Variants in PAFAH1B2 observed in about 807,000 individuals in gnomAD.
PAFAH1B2 encodes platelet activating factor acetylhydrolase 1b catalytic subunit 2.
A neutral mutation model predicts 28.0 loss-of-function variants in PAFAH1B2; 8 were observed. That is an observed-to-expected ratio of 0.29 (90% CI 0.17 to 0.52). The LOEUF is 0.52. PAFAH1B2 is among the 20% of genes least tolerant of loss of function. The pLI is 0.97. For synonymous variants in PAFAH1B2, 104 were observed against 103.2 expected (o/e 1.01, Z -0.05); for missense variants, 190 against 282.6 (o/e 0.67, Z 2.35).
At chr11:117,156,516 A>G (rs1176440579) in intron 2 of PAFAH1B2, among the ~76,000 whole-genome samples, 1 of 152,228 alleles carries the variant, frequency 6.6e-6, no homozygotes, top group African/African-American at 2.4e-5. Context: ...AAGGGGTAAC[A>G]GAGGACATGA....
chr11:117,155,425 A>G (rs965484067), intron 2 of PAFAH1B2, among the ~76,000 whole-genome samples: 1 of 152,204 alleles, frequency 6.6e-6, no homozygotes, highest in African/African-American at 2.4e-5. Context: ...AAAATATCCT[A>G]AAGGAACTAA....
At position 117,144,350 on chromosome 11, in the gene PAFAH1B2, G is replaced by A. The variant is rs1244034389; in HGVS notation, c.-76G>A. 3 of 422,442 alleles carry A rather than the reference G, an allele frequency of 7.1e-6. No homozygotes were observed. Among genetic ancestry groups the A allele is most frequent in the Non-Finnish European group, 1.4e-5 (3 of 208,078 alleles). The allele number at this position is 422,442 out of a possible 1,614,324, so 26.2% of individuals were successfully genotyped here. ...GCGCCGGAGCGGGACCGACGGGACCGAGCGAGCGACCGACGCGCCACCCGC... is the reference window on the plus strand; with the variant it reads ...GCGCCGGAGCGGGACCGACGGGACCAAGCGAGCGACCGACGCGCCACCCGC... On this transcript the variant is annotated 5_prime_UTR_variant, in exon 1 of 6. Transcript: ENST00000527958.
At position 117,169,352 on chromosome 11, in the gene PAFAH1B2, A is replaced by G. The variant is rs2134222419; in HGVS notation, c.*1653A>G. On this transcript the variant is annotated 3_prime_UTR_variant, in exon 6 of 6. Transcript: ENST00000527958. ...TCAGTATACCTGTGGAATATGTACA[A>G]ACTGGATCTATAGATATTTTGAACT... 2 of 1,050,528 alleles carry G rather than the reference A, an allele frequency of 1.9e-6. No homozygotes were observed. Among genetic ancestry groups the G allele is most frequent in the Middle Eastern group, 4.3e-4 (1 of 2,316 alleles). The allele number at this position is 1,050,528 out of a possible 1,614,324, so 65.1% of individuals were successfully genotyped here.
chr11:117,171,260 A>C (rs1956643619), downstream of PAFAH1B2, among the ~76,000 whole-genome samples: 1 of 152,192 alleles, frequency 6.6e-6, no homozygotes. Context: ...CTCAGAAAGC[A>C]CAACTGCCAT....
chr11:117,177,784 T>G (rs2030066548), downstream of PAFAH1B2, among the ~76,000 whole-genome samples: 1 of 152,218 alleles, frequency 6.6e-6, no homozygotes, highest in South Asian at 2.1e-4. Context: ...GATCTACCTG[T>G]CTTGGCCTCC....
intron 5 of PAFAH1B2, among the ~76,000 whole-genome samples, chr11:117,165,619 T>TA (rs1956489467): frequency 6.6e-6 from 1 of 152,036 alleles, no homozygotes; most frequent in Non-Finnish European, 1.5e-5. Context: ...CTGTTTAGAG[T>TA]AAGGTGAAAA....
In PAFAH1B2 at chr11:117,167,951, G is replaced by T. The variant is rs1445881302; in HGVS notation, c.*252G>T. The T allele has an allele frequency of 8.9e-6, 10 of 1,125,916 alleles. No homozygotes were observed. In the Admixed American group the frequency reaches 4.9e-4, roughly 55 times the overall value. The allele number at this position is 1,125,916 out of a possible 1,614,324, so 69.7% of individuals were successfully genotyped here. ...GAAACCAGAAGGGGACTTTTTAGTT[G>T]TATGTGTAACACATTCATTGAATTA... On this transcript the variant is annotated 3_prime_UTR_variant, in exon 6 of 6. Coordinates refer to ENST00000527958, the MANE Select transcript of PAFAH1B2 (RefSeq NM_002572.4).
chr11:117,159,936 C>T lies in PAFAH1B2; in HGVS notation c.84C>T (p.His28=). Residue 28 remains histidine (H), a splice_region_variant and synonymous_variant, in exon 3 of 6, where the codon CAC becomes CAT. Coordinates refer to ENST00000527958, the MANE Select transcript of PAFAH1B2 (RefSeq NM_002572.4). ...TTTTTTTTTCTTCTTCAAACCAGCACAACAGATTTGTTTTGGACTGTAAAG... is the reference window on the plus strand; with the variant it reads ...TTTTTTTTTCTTCTTCAAACCAGCATAACAGATTTGTTTTGGACTGTAAAG... ...IQGDDRWMSQ[H]NRFVLDCKDK... is the part of the protein sequence containing the mutation. The T allele has an allele frequency of 6.2e-7, 1 of 1,611,626 alleles. No individual in the cohort carries two copies. Among genetic ancestry groups the T allele is most frequent in the East Asian group, 2.2e-5 (1 of 44,868 alleles).
At chr11:117,149,432 T>TC (rs1956093967) in intron 1 of PAFAH1B2, among the ~76,000 whole-genome samples, 1 of 108,634 alleles carries the variant, frequency 9.2e-6, no homozygotes, top group Non-Finnish European at 2.0e-5. Context: ...TTCTAATCGT[T>TC]TTTTTTTTTT....
rs1240497432 is a variant in PAFAH1B2, at chr11:117,170,417, T to G, written c.*2718T>G. ...GTGGTCATATGTTGAATGTGGCAGCTTGAAGATGTACTGCCACGGGTGATC... is the reference window on the plus strand; with the variant it reads ...GTGGTCATATGTTGAATGTGGCAGCGTGAAGATGTACTGCCACGGGTGATC... On this transcript the variant is annotated 3_prime_UTR_variant, in exon 6 of 6. Transcript: ENST00000527958. The G allele has an allele frequency of 9.4e-7, 1 of 1,059,760 alleles. No homozygotes were observed. The highest frequency in any genetic ancestry group is 1.7e-5 in the African/African-American group (1 of 60,240). The allele number at this position is 1,059,760 out of a possible 1,614,324, so 65.6% of individuals were successfully genotyped here.
chr11:117,170,584 T>A lies in PAFAH1B2; in HGVS notation c.*2885T>A. 1 of 1,040,950 alleles carries A rather than the reference T, an allele frequency of 9.6e-7. No individual in the cohort carries two copies. Among genetic ancestry groups the A allele is most frequent in the Non-Finnish European group, 1.2e-6 (1 of 868,810 alleles). 64.5% of individuals were successfully genotyped at this position (1,040,950 alleles called of 1,614,324 possible). Reference sequence around the variant, plus strand: ...AGAAACCTTAACCCAACAAAACAAATCTTGAGTAGCTCATGCCCGGCTCTT... The same window carrying A: ...AGAAACCTTAACCCAACAAAACAAAACTTGAGTAGCTCATGCCCGGCTCTT... On this transcript the variant is annotated 3_prime_UTR_variant, in exon 6 of 6. Coordinates refer to ENST00000527958, the MANE Select transcript of PAFAH1B2 (RefSeq NM_002572.4).
At position 117,169,653 on chromosome 11, in the gene PAFAH1B2, A is replaced by T. The variant is rs189920008; in HGVS notation, c.*1954A>T. 320 of 1,053,668 alleles carry T rather than the reference A, an allele frequency of 3.0e-4. No homozygotes were observed. Among genetic ancestry groups the T allele is most frequent in the Admixed American group, 3.8e-4 (7 of 18,436 alleles). The allele number at this position is 1,053,668 out of a possible 1,614,324, so 65.3% of individuals were successfully genotyped here. On this transcript the variant is annotated 3_prime_UTR_variant, in exon 6 of 6. Coordinates refer to ENST00000527958, the MANE Select transcript of PAFAH1B2 (RefSeq NM_002572.4). Reference sequence around the variant, plus strand: ...TATCATGTCTTCATTAACAACAGAAAATCCACATGGTGTTTACTAAACTTG... The same window carrying T: ...TATCATGTCTTCATTAACAACAGAATATCCACATGGTGTTTACTAAACTTG...
chr11:117,167,809 G>A lies in PAFAH1B2; in HGVS notation c.*110G>A. On this transcript the variant is annotated 3_prime_UTR_variant, in exon 6 of 6. Coordinates refer to ENST00000527958, the MANE Select transcript of PAFAH1B2 (RefSeq NM_002572.4). ...GCACTTTGCATTGTAGAATGTTCCT[G>A]GATGTTCATATCTAGTGTTTGAAGG... 1 of 1,311,986 alleles carries A rather than the reference G, an allele frequency of 7.6e-7. No homozygotes were observed. The allele number at this position is 1,311,986 out of a possible 1,614,324, so 81.3% of individuals were successfully genotyped here.
At chr11:117,149,541 C>G (rs1956099478) in intron 1 of PAFAH1B2, among the ~76,000 whole-genome samples, 1 of 149,978 alleles carries the variant, frequency 6.7e-6, no homozygotes, top group Admixed American at 6.7e-5. Flanking sequence ...ATTCTCCTGC[C>G]TCAGCCTCCC....
intron 1 of PAFAH1B2, among the ~76,000 whole-genome samples, chr11:117,148,432 A>C (rs138498340): frequency 1.8e-4 from 27 of 152,272 alleles, no homozygotes; most frequent in African/African-American, 6.3e-4. Context: ...TCTGGTTTCA[A>C]ATCCCACCTG....
At chr11:117,177,814 G>A (rs535392326), downstream of PAFAH1B2, among the ~76,000 whole-genome samples, 138 of 152,352 alleles carry the variant, frequency 9.1e-4, no homozygotes, top group African/African-American at 3.1e-3. Flanking sequence ...GGGATTACAC[G>A]TGTGAGCCAC....
chr11:117,161,351 T>G, intron 4 of PAFAH1B2, 90 bp downstream of exon 4: 3 of 762,826 alleles, frequency 3.9e-6, no homozygotes, highest in Non-Finnish European at 6.3e-6. Context: ...AATTGCTTCT[T>G]TAAAGACCTA....
intron 2 of PAFAH1B2, 88 bp downstream of exon 2, chr11:117,152,616 CTG>C (rs1350776152): frequency 4.4e-6 from 4 of 910,034 alleles, no homozygotes; most frequent in Non-Finnish European, 7.3e-6. Flanking sequence ...CAAGGTCTCA[CTG>C]TGTTGCCCAG....
chr11:117,170,694 A>C lies in PAFAH1B2; in HGVS notation c.*2995A>C. The stretch of plus-strand genomic sequence containing the variant: ...TTTTTTAACCTAGTCACTGTTTACA[A>C]TTGTATGCTAAAGCCTGAAATATTG... On this transcript the variant is annotated 3_prime_UTR_variant, in exon 6 of 6. Transcript: ENST00000527958. 6.6e-6 allele frequency: 7 copies of C among 1,059,994 alleles called. No individual in the cohort carries two copies. Among genetic ancestry groups the C allele is most frequent in the Non-Finnish European group, 8.0e-6 (7 of 876,116 alleles). 65.7% of individuals were successfully genotyped at this position (1,059,994 alleles called of 1,614,324 possible). A position where few individuals can be genotyped will look rare whatever the true frequency, so the allele number is the denominator to read the frequency against.
Sources: gnomAD v4.1 joint callset for allele counts (sites outside exome capture counted in the v4.1 genomes callset) on GRCh38, gnomAD v4.1.1 for gene constraint, MANE v1.5 for transcripts, NCBI Gene and HGNC (gene_info 2026-07-23, HGNC 2026-07-21) for gene names.